The following ZC3H12B variants were observed in gnomAD, a reference collection of about 807,000 sequenced individuals.
The protein encoded by ZC3H12B is zinc finger CCCH-type containing 12B, also known as probable ribonuclease ZC3H12B.
A neutral mutation model predicts 43.9 loss-of-function variants in ZC3H12B; 7 were observed. The ratio of observed to expected loss-of-function variants is 0.16; its 90% CI spans 0.09 to 0.30. The LOEUF (loss-of-function observed/expected upper bound fraction) is 0.30, where lower values mean the gene tolerates loss of function less well. Ranked by LOEUF, ZC3H12B falls within the 10% of genes least tolerant of loss-of-function variation. The pLI is 1.00. For synonymous variants in ZC3H12B, 222 were observed against 241.7 expected (o/e 0.92, Z 0.76); for missense variants, 475 against 670.2 (o/e 0.71, Z 3.22).
the ZC3H12B span, among the ~76,000 whole-genome samples, chrX:65,223,802 C>T: frequency 9.0e-6 from 1 of 111,672 alleles, no homozygotes; most frequent in Non-Finnish European, 1.9e-5. Flanking sequence ...CGGCCATAAT[C>T]ACAAAATCAA....
chrX:65,327,871 AC>A, the ZC3H12B span: 1 of 124,636 alleles, frequency 8.0e-6, no homozygotes, highest in Non-Finnish European at 1.8e-5. Context: ...CAAACAGAAA[AC>A]AAACATCAAT....
intron 2 of ZC3H12B, among the ~76,000 whole-genome samples, chrX:65,390,708 A>G (rs1343618746): frequency 9.2e-6 from 1 of 108,905 alleles, no homozygotes; most frequent in East Asian, 2.9e-4. Flanking sequence ...CATAATCGGC[A>G]CTATGGATCA....
the ZC3H12B span, among the ~76,000 whole-genome samples, chrX:65,180,386 A>G: frequency 8.9e-6 from 1 of 112,177 alleles, no homozygotes; most frequent in South Asian, 3.7e-4. Flanking sequence ...TGTCAAATCC[A>G]TAGCCAATAT....
At chrX:65,188,303 C>G in the ZC3H12B span, among the ~76,000 whole-genome samples, 1 of 109,692 alleles carries the variant, frequency 9.1e-6, no homozygotes, top group Non-Finnish European at 1.9e-5. Flanking sequence ...ATACTGATTT[C>G]CTTTCTTTGG....
the ZC3H12B span, among the ~76,000 whole-genome samples, chrX:65,179,598 A>T: frequency 2.7e-5 from 3 of 110,720 alleles, no homozygotes; most frequent in African/African-American, 9.9e-5. Flanking sequence ...ACCACCAGCC[A>T]GACTAATAAA....
At chrX:65,443,302 C>T (rs970631928) in intron 3 of ZC3H12B, among the ~76,000 whole-genome samples, 17 of 111,075 alleles carry the variant, frequency 1.5e-4, no homozygotes, top group African/African-American at 5.6e-4. Context: ...TCCGGTGCCC[C>T]TTCAACCTGG....
chrX:65,285,482 G>C, the ZC3H12B span, among the ~76,000 whole-genome samples: 2 of 111,338 alleles, frequency 1.8e-5, no homozygotes, highest in Non-Finnish European at 3.8e-5. Flanking sequence ...AAAGTATCTA[G>C]TCACCAAAAA....
chrX:65,372,359 T>C (rs1350164116), intron 2 of ZC3H12B, among the ~76,000 whole-genome samples: 1 of 111,336 alleles, frequency 9.0e-6, no homozygotes, highest in African/African-American at 3.3e-5. Context: ...TGAATTCAAC[T>C]GTGTTGGGGA....
chrX:65,263,356 G>A, the ZC3H12B span, among the ~76,000 whole-genome samples: 3 of 110,957 alleles, frequency 2.7e-5, no homozygotes, highest in African/African-American at 6.5e-5. Context: ...AGTAGGGAGA[G>A]TAAATGTCTC....
the ZC3H12B span, among the ~76,000 whole-genome samples, chrX:65,138,435 C>T: frequency 1.8e-5 from 2 of 111,698 alleles, no homozygotes; most frequent in Non-Finnish European, 3.8e-5. Flanking sequence ...AGGCTGAATA[C>T]AATTTTATTG....
At chrX:65,048,811 T>C in the ZC3H12B span, among the ~76,000 whole-genome samples, 3 of 111,105 alleles carry the variant, frequency 2.7e-5, no homozygotes, top group East Asian at 2.8e-4. Context: ...TAAGACCTAA[T>C]GTACGACACT....
the ZC3H12B span, among the ~76,000 whole-genome samples, chrX:65,177,532 A>G: frequency 1.8e-5 from 2 of 112,030 alleles, no homozygotes; most frequent in African/African-American, 6.5e-5. Flanking sequence ...AGAAAACCCC[A>G]TCGTCTCAGT....
chrX:65,384,515 TAATA>T (rs1478173599), intron 2 of ZC3H12B, among the ~76,000 whole-genome samples: 2 of 110,942 alleles, frequency 1.8e-5, no homozygotes, highest in Non-Finnish European at 3.8e-5. Flanking sequence ...AGTATAATAA[TAATA>T]AATAAATTTT....
the ZC3H12B span, among the ~76,000 whole-genome samples, chrX:65,248,043 GAA>G: frequency 9.9e-6 from 1 of 100,668 alleles, no homozygotes; most frequent in African/African-American, 4.8e-5. Context: ...GATTAGCCAC[GAA>G]AAAAATTTTT....
intron 3 of ZC3H12B, among the ~76,000 whole-genome samples, chrX:65,420,839 C>T (rs1171295307): frequency 5.3e-5 from 6 of 112,517 alleles, no homozygotes. Flanking sequence ...ATTGCATTTA[C>T]TGTACCAAAT....
intron 3 of ZC3H12B, among the ~76,000 whole-genome samples, chrX:65,411,150 C>T (rs1181514474): frequency 8.9e-6 from 1 of 112,023 alleles, no homozygotes; most frequent in Non-Finnish European, 1.9e-5. Context: ...CTGTCATTTA[C>T]AATAACATGT....
At chrX:65,226,322 G>A in the ZC3H12B span, among the ~76,000 whole-genome samples, 1 of 111,235 alleles carries the variant, frequency 9.0e-6, no homozygotes, top group African/African-American at 3.3e-5. Flanking sequence ...AGCAAATGCT[G>A]AGAGATTTTG....
At chrX:65,389,421 A>C (rs979326519) in intron 2 of ZC3H12B, among the ~76,000 whole-genome samples, 2 of 112,560 alleles carry the variant, frequency 1.8e-5, no homozygotes, top group African/African-American at 6.5e-5. Flanking sequence ...CCATGGGCGT[A>C]GGACTCTCCA....
intron 3 of ZC3H12B, among the ~76,000 whole-genome samples, chrX:65,398,998 G>C (rs761914106): frequency 9.0e-6 from 1 of 111,672 alleles, no homozygotes; most frequent in East Asian, 2.8e-4. Flanking sequence ...ATTAGATCCC[G>C]GTCTCTCACC....
Sources: gnomAD v4.1 joint callset for allele counts (sites outside exome capture counted in the v4.1 genomes callset) on GRCh38, gnomAD v4.1.1 for gene constraint, MANE v1.5 for transcripts, NCBI Gene and HGNC (gene_info 2026-07-23, HGNC 2026-07-21) for gene names.